The following ARNT2 variants were observed in gnomAD, a reference collection of about 807,000 sequenced individuals.
The protein encoded by ARNT2 is ARNT protein 2.
A neutral mutation model predicts 91.7 loss-of-function variants in ARNT2; 36 were observed. The ratio of observed to expected loss-of-function variants is 0.39; its 90% CI spans 0.30 to 0.52. The LOEUF is 0.52. ARNT2 is among the 20% of genes least tolerant of loss of function. The pLI is 0.72. For missense variants in ARNT2, 775 were observed against 939.3 expected (o/e 0.83, Z 2.29); for synonymous variants, 365 against 347.1 (o/e 1.05, Z -0.57).
chr15:80,454,523 G>T (rs992108496), intron 2 of ARNT2, among the ~76,000 whole-genome samples: 2 of 152,210 alleles, frequency 1.3e-5, no homozygotes, highest in Non-Finnish European at 2.9e-5. Flanking sequence ...GCTGGAATGT[G>T]GTCAAATTGC....
At chr15:80,454,422 C>T (rs774546406) in intron 2 of ARNT2, among the ~76,000 whole-genome samples, 7 of 152,128 alleles carry the variant, frequency 4.6e-5, no homozygotes, top group Non-Finnish European at 8.8e-5. Flanking sequence ...AATAGCATCA[C>T]TGAGGAAAAA....
chr15:80,444,355 GGTGT>G (rs59533738), intron 1 of ARNT2: 54,958 of 150,342 alleles, frequency 0.37, 10,168 homozygotes, highest in East Asian at 0.53. Context: ...GTGTGTACGT[GGTGT>G]GTGTGTGTGT....
At chr15:80,560,489 C>T (rs1374738415) in intron 11 of ARNT2, among the ~76,000 whole-genome samples, 1 of 152,192 alleles carries the variant, frequency 6.6e-6, no homozygotes. Context: ...TCTCTTTCCA[C>T]AGCTCCTAAG....
At chr15:80,412,666 T>C (rs970535621) in intron 1 of ARNT2, among the ~76,000 whole-genome samples, 2 of 152,248 alleles carry the variant, frequency 1.3e-5, no homozygotes, top group Non-Finnish European at 2.9e-5. Context: ...CACATTCTTA[T>C]ATCTGGGCAT....
chr15:80,464,831 G>A (rs1896627939), intron 3 of ARNT2, among the ~76,000 whole-genome samples: 1 of 152,178 alleles, frequency 6.6e-6, no homozygotes, highest in African/African-American at 2.4e-5. Flanking sequence ...TCCTTCCCGA[G>A]TGTCACCGAG....
chr15:80,583,594 A>G (rs913260412), intron 17 of ARNT2, among the ~76,000 whole-genome samples: 26 of 152,218 alleles, frequency 1.7e-4, no homozygotes, highest in Admixed American at 1.4e-3. Context: ...TACTTATTAT[A>G]TGCTAGCATG....
In ARNT2 at chr15:80,591,821, G is replaced by C; in HGVS notation, c.2055+117G>C. On this transcript the variant is annotated intron_variant, in intron 18 of 18. Transcript: ENST00000303329. This position sits in a 1 kb window ranked among gnomAD's most constrained non-coding sequence, Gnocchi z 5.1. Reference sequence around the variant, plus strand: ...GATAGCCGTCGTGAGTTCTGGCCCAGCCTGGGCTCGAGGGAGTCCAGGAGT... The same window carrying C: ...GATAGCCGTCGTGAGTTCTGGCCCACCCTGGGCTCGAGGGAGTCCAGGAGT... The C allele has an allele frequency of 6.7e-7, 1 of 1,502,538 alleles. No individual in the cohort carries two copies. The highest frequency in any genetic ancestry group is 8.9e-7 in the Non-Finnish European group (1 of 1,117,332). The allele number at this position is 1,502,538 out of a possible 1,614,324, so 93.1% of individuals were successfully genotyped here.
chr15:80,556,044 G>C (rs890198182), intron 11 of ARNT2: 2 of 151,894 alleles, frequency 1.3e-5, no homozygotes, highest in Non-Finnish European at 2.9e-5. Context: ...CCAGCACTTT[G>C]GGAGGCCAAG....
At chr15:80,564,537 T>A (rs1198373102) in intron 12 of ARNT2, among the ~76,000 whole-genome samples, 1 of 152,150 alleles carries the variant, frequency 6.6e-6, no homozygotes, top group African/African-American at 2.4e-5. Flanking sequence ...ATTTTTTTTT[T>A]TAATTTTAGA....
At chr15:80,506,810 A>G (rs1458960013) in intron 5 of ARNT2, among the ~76,000 whole-genome samples, 4 of 152,166 alleles carry the variant, frequency 2.6e-5, no homozygotes, top group African/African-American at 9.7e-5. Flanking sequence ...TGGGGTGGGG[A>G]GGAGCTGGAC....
At chr15:80,572,153 G>T (rs1898595184) in intron 12 of ARNT2, among the ~76,000 whole-genome samples, 1 of 151,868 alleles carries the variant, frequency 6.6e-6, no homozygotes, top group Non-Finnish European at 1.5e-5. Context: ...TTTCCAAGGT[G>T]ACTGTGAGCC....
intron 12 of ARNT2, among the ~76,000 whole-genome samples, chr15:80,572,497 C>T (rs1382156756): frequency 6.6e-6 from 1 of 151,730 alleles, no homozygotes; most frequent in Non-Finnish European, 1.5e-5. Flanking sequence ...TCCCACCCTC[C>T]CCTCTCTTCC....
In ARNT2 at chr15:80,510,876, A is replaced by G. The variant is rs146189203; in HGVS notation, c.725+2618A>G. 5.6e-3 allele frequency among the ~76,000 whole-genome samples: 856 copies of G among 152,198 alleles called. 13 individuals are homozygous for G. The highest frequency in any genetic ancestry group is 0.019 in the African/African-American group (790 of 41,530). The stretch of plus-strand genomic sequence containing the variant: ...TAAAAATTTAAAAAGTCAAAAAATA[A>G]CAGATGCTGGTGAGGTTGTGGAGAA... On this transcript the variant is annotated intron_variant, in intron 6 of 18. Transcript: ENST00000303329.
intron 5 of ARNT2, among the ~76,000 whole-genome samples, chr15:80,506,302 C>T (rs961250742): frequency 2.6e-5 from 4 of 152,330 alleles, no homozygotes; most frequent in Non-Finnish European, 5.9e-5. Context: ...GGTGCAGGCA[C>T]CACTGCACTG....
intron 1 of ARNT2, among the ~76,000 whole-genome samples, chr15:80,431,254 G>C (rs1221657309): frequency 6.6e-6 from 1 of 152,158 alleles, no homozygotes; most frequent in Non-Finnish European, 1.5e-5. Context: ...TTCTTCTCGA[G>C]GGCCTGGTGC....
chr15:80,593,863 C>T lies in ARNT2; in HGVS notation c.*165C>T, dbSNP rs1171399533. On this transcript the variant is annotated 3_prime_UTR_variant, in exon 19 of 19. Coordinates refer to ENST00000303329, the MANE Select transcript of ARNT2 (RefSeq NM_014862.4). ...CAGGCGCATCATTGCTCCACTCTCC[C>T]CTGCAGCCGCGGCTGCTCGGCCACT... 3 of 626,178 alleles carry T rather than the reference C, an allele frequency of 4.8e-6. No individual in the cohort carries two copies. Among genetic ancestry groups the T allele is most frequent in the Non-Finnish European group, 8.3e-6 (3 of 359,950 alleles). 38.8% of individuals were successfully genotyped at this position (626,178 alleles called of 1,614,324 possible). A position where few individuals can be genotyped will look rare whatever the true frequency, so the allele number is the denominator to read the frequency against.
chr15:80,563,115 T>A lies in ARNT2; in HGVS notation c.1192T>A (p.Ser398Thr), dbSNP rs1282884360. ...GGTTAAGCTGAAAGGCCAAGTCCTGTCGGTCATGTATCGATTTCGCACCAA... is the reference window on the plus strand; with the variant it reads ...GGTTAAGCTGAAAGGCCAAGTCCTGACGGTCATGTATCGATTTCGCACCAA... Reference protein sequence around the residue: ...QVVKLKGQVLSVMYRFRTKNR... With the variant: ...QVVKLKGQVLTVMYRFRTKNR... Residue 398 changes from serine (S) to threonine (T), a missense_variant, in exon 12 of 19, where the codon TCG becomes ACG. By Grantham distance (58) the Ser-to-Thr change is moderately conservative. This residue lies in a region of ARNT2 where 285 missense variants were observed against 327.2 expected (regional missense o/e 0.87). Transcript: ENST00000303329. The A allele has an allele frequency of 1.9e-6, 3 of 1,614,190 alleles. No homozygotes were observed. The highest frequency in any genetic ancestry group is 2.5e-6 in the Non-Finnish European group (3 of 1,180,034).
In ARNT2 at chr15:80,552,634, T is replaced by C. The variant is rs1288789954; in HGVS notation, c.955-6T>C. 2 of 1,613,602 alleles carry C rather than the reference T, an allele frequency of 1.2e-6. No individual in the cohort carries two copies. On this transcript the variant is annotated splice_polypyrimidine_tract_variant and splice_region_variant and intron_variant, in intron 9 of 18. Coordinates refer to ENST00000303329, the MANE Select transcript of ARNT2 (RefSeq NM_014862.4). The stretch of plus-strand genomic sequence containing the variant: ...CCACCTCAACTGTGGATTTTCCCCA[T>C]CCCAGGTGACCAGCTCTCCTGTATG...
chr15:80,582,386 C>T (rs1898815681), intron 17 of ARNT2, among the ~76,000 whole-genome samples: 1 of 151,644 alleles, frequency 6.6e-6, no homozygotes, highest in Non-Finnish European at 1.5e-5. Context: ...ATTCCAGCTA[C>T]TCAGGAGGCT....
Sources: gnomAD v4.1 joint callset for allele counts (sites outside exome capture counted in the v4.1 genomes callset) on GRCh38, gnomAD v4.1.1 for gene constraint, gnomAD v4.1.1 regional missense constraint, Gnocchi (gnomAD v3.1) non-coding constraint, MANE v1.5 for transcripts, NCBI Gene and HGNC (gene_info 2026-07-23, HGNC 2026-07-21) for gene names.